The following NUP210 variants were observed in gnomAD, a reference collection of about 807,000 sequenced individuals.
NUP210 encodes nucleoporin 210.
Under a neutral mutation model 196.0 loss-of-function variants are expected in NUP210, and 151 were observed. The ratio of observed to expected loss-of-function variants is 0.77; its 90% CI spans 0.67 to 0.88. The LOEUF is 0.88. NUP210 is among the 40% of genes least tolerant of loss of function. NUP210 has a pLI of 0.00. For synonymous variants in NUP210, 1,070 were observed against 1,052.7 expected (o/e 1.02, Z -0.32); for missense variants, 2,314 against 2,493.7 (o/e 0.93, Z 1.53).
At chr3:13,373,607 CAGG>C in intron 12 of NUP210, 108 bp downstream of exon 12, 1 of 1,118,748 alleles carries the variant, frequency 8.9e-7, no homozygotes. Context: ...CTCCTAAGTA[CAGG>C]ACCCAAGGTT....
intron 28 of NUP210, among the ~76,000 whole-genome samples, chr3:13,332,990 T>C (rs6806404): frequency 0.54 from 82,463 of 152,094 alleles, 22,815 homozygotes; most frequent in African/African-American, 0.63. Context: ...CACAGAGACA[T>C]CCTGCTCCTC....
chr3:13,343,342 G>GGGGGTGGGGGGGGGGGGGGGGGGGGGC, intron 20 of NUP210, 39 bp from the exon 21 acceptor site: 1 of 655,992 alleles, frequency 1.5e-6, no homozygotes, highest in Non-Finnish European at 2.5e-6. Context: ...TGGGTGGTGG[G>GGGGGTGGGGGGGGGGGGGGGGGGGGGC]TTACGCAGCT....
At chr3:13,373,694 G>C in intron 12 of NUP210, 24 bp downstream of exon 12, 1 of 1,612,448 alleles carries the variant, frequency 6.2e-7, no homozygotes, top group Non-Finnish European at 8.5e-7. Context: ...CCTCCCAGGG[G>C]GTGTCTTGGC....
At chr3:13,339,239 T>C (rs776111737) in intron 25 of NUP210, among the ~76,000 whole-genome samples, 21 of 152,194 alleles carry the variant, frequency 1.4e-4, no homozygotes, top group Non-Finnish European at 2.8e-4. Flanking sequence ...TGGGGTGCTG[T>C]GTTTACAGGT....
rs768251964 is a variant in NUP210, at chr3:13,358,292, G to A, written c.2258C>T (p.Thr753Ile). The change falls in exon 16 of 40, where the codon ACC becomes ATC. Residue 753 changes from threonine to isoleucine, a missense_variant. Physicochemically the swap from Thr to Ile is moderately conservative, Grantham distance 89 (BLOSUM62 -1). Coordinates refer to ENST00000254508, the MANE Select transcript of NUP210 (RefSeq NM_024923.4). ...GGGGCTGGTGTAGACAGGCGCGAGG[G>A]TGAGCCTGGACGGTGGGGCGCAGAC... ...KFVCAPPSRLTLAPVYTSPQL... is the reference protein window; with the variant it reads ...KFVCAPPSRLILAPVYTSPQL... 4 of 1,613,828 alleles carry A rather than the reference G, an allele frequency of 2.5e-6. No individual in the cohort carries two copies. The highest frequency in any genetic ancestry group is 1.7e-5 in the Admixed American group (1 of 60,006).
chr3:13,391,564 T>C (rs1699494001), intron 3 of NUP210, among the ~76,000 whole-genome samples: 2 of 151,232 alleles, frequency 1.3e-5, no homozygotes. Context: ...GTGCTCTTCC[T>C]GCTGTGACTC....
At chr3:13,330,153 C>T (rs1215156838) in intron 30 of NUP210, among the ~76,000 whole-genome samples, 2 of 152,256 alleles carry the variant, frequency 1.3e-5, no homozygotes, top group African/African-American at 4.8e-5. Flanking sequence ...GGAGCACCCG[C>T]ACTCCAGTCA....
chr3:13,336,207 G>A (rs567311242), intron 27 of NUP210, among the ~76,000 whole-genome samples: 3 of 152,262 alleles, frequency 2.0e-5, no homozygotes, highest in Non-Finnish European at 4.4e-5. Context: ...GGCAGGGAGC[G>A]ACCTTTCAAG....
chr3:13,361,514 C>G (rs1424409286), intron 14 of NUP210, among the ~76,000 whole-genome samples: 1 of 152,164 alleles, frequency 6.6e-6, no homozygotes, highest in Non-Finnish European at 1.5e-5. Context: ...GGACTCCTCC[C>G]TCCAGTGACA....
intron 16 of NUP210, among the ~76,000 whole-genome samples, chr3:13,355,715 C>A (rs1230196124): frequency 6.6e-6 from 1 of 152,230 alleles, no homozygotes; most frequent in African/African-American, 2.4e-5. Context: ...CCAGCACCAT[C>A]AGCAGGCATG....
chr3:13,413,160 G>A (rs558546536), intron 1 of NUP210, among the ~76,000 whole-genome samples: 23 of 151,584 alleles, frequency 1.5e-4, no homozygotes, highest in African/African-American at 5.1e-4. Flanking sequence ...AGCTACTCAG[G>A]AGGATGAGGC....
At chr3:13,339,562 T>C (rs1028569344) in intron 25 of NUP210, among the ~76,000 whole-genome samples, 1 of 152,240 alleles carries the variant, frequency 6.6e-6, no homozygotes. Context: ...ATGATTGCCA[T>C]CATCCTCCAC....
Position 13,353,927 on chromosome 3 carries a change from T to C in NUP210, c.2509A>G (p.Lys837Glu), listed in dbSNP as rs1391637841. The C allele has an allele frequency of 6.2e-7, 1 of 1,608,544 alleles. No individual in the cohort carries two copies. Among genetic ancestry groups the C allele is most frequent in the Admixed American group, 1.7e-5 (1 of 59,604 alleles). ...LVSQDDESGQ[K>E]KLHGLQAILV... ...GTGCCCAGCTCACCGTGCAGCTTCTTTTGGCCACTCTCATCGTCCTGGGAC... is the reference window on the plus strand; with the variant it reads ...GTGCCCAGCTCACCGTGCAGCTTCTCTTGGCCACTCTCATCGTCCTGGGAC... The change falls in exon 17 of 40, where the codon AAG becomes GAG. Residue 837 changes from lysine (K) to glutamate (E), a missense_variant. By Grantham distance (56) the Lys-to-Glu change is moderately conservative (BLOSUM62 1). Transcript: ENST00000254508.
At chr3:13,376,139 A>C (rs916611132) in intron 10 of NUP210, 152 bp downstream of exon 10, 13 of 740,406 alleles carry the variant, frequency 1.8e-5, no homozygotes, top group African/African-American at 1.6e-4. Context: ...AAGACTAAGG[A>C]AAATAGAACC....
chr3:13,373,959 T>C, intron 11 of NUP210, 86 bp from the exon 12 acceptor site: 12 of 1,414,146 alleles, frequency 8.5e-6, no homozygotes, highest in African/African-American at 1.4e-5. Flanking sequence ...TGCGTGTGCA[T>C]GCACGTACTC....
chr3:13,365,802 C>T (rs1324146240), intron 14 of NUP210, 144 bp downstream of exon 14: 3 of 908,734 alleles, frequency 3.3e-6, no homozygotes, highest in Non-Finnish European at 5.2e-6. Flanking sequence ...CTGCTTTCAG[C>T]CAGAAATCAT....
chr3:13,403,833 C>T (rs750784607), intron 1 of NUP210, among the ~76,000 whole-genome samples: 2 of 152,202 alleles, frequency 1.3e-5, no homozygotes, highest in Non-Finnish European at 2.9e-5. Context: ...ACCCTTCAGG[C>T]CCCAGGGCCT....
At chr3:13,356,026 C>A (rs888947323) in intron 16 of NUP210, among the ~76,000 whole-genome samples, 1 of 152,194 alleles carries the variant, frequency 6.6e-6, no homozygotes, top group African/African-American at 2.4e-5. Flanking sequence ...GATTGTAGAG[C>A]CCAAGGACCT....
rs550242676 is a variant in NUP210 at position 13,376,846 on chromosome 3, G to A, written c.1153-415C>T. ...AAGCAACGACATCTTCAAGGACACC[G>A]AGAGGAACCTCGCCTTTTTCTTCTA... is the stretch of plus-strand genomic sequence containing the variant. On this transcript the variant is annotated intron_variant, in intron 9 of 39. Transcript: ENST00000254508. Among the ~76,000 whole-genome samples the A allele has an allele frequency of 3.9e-5, 6 of 152,256 alleles. No homozygotes were observed. The South Asian group carries it at 1.0e-3, about 26-fold the overall frequency.
Sources: allele counts gnomAD v4.1 joint callset (sites outside exome capture counted in the v4.1 genomes callset), GRCh38; gene constraint gnomAD v4.1.1; transcripts MANE v1.5; gene names NCBI Gene and HGNC (gene_info 2026-07-23, HGNC 2026-07-21).